LDB2: variants seen among roughly 807,000 people sequenced by gnomAD.
LDB2 encodes LIM domain-binding protein 2.
A neutral mutation model predicts 44.3 loss-of-function variants in LDB2; 12 were observed. The observed-to-expected ratio is 0.27, with a 90% CI of 0.17 to 0.44. The LOEUF (loss-of-function observed/expected upper bound fraction) is 0.44. Ranked by LOEUF, LDB2 falls within the 20% of genes least tolerant of loss-of-function variation. LDB2 has a pLI of 1.00. For synonymous variants in LDB2, 164 were observed against 174.8 expected (o/e 0.94, Z 0.49); for missense variants, 344 against 473.5 (o/e 0.73, Z 2.54).
intron 2 of LDB2, among the ~76,000 whole-genome samples, chr4:16,745,382 G>A (rs1406202847): frequency 1.3e-5 from 2 of 152,202 alleles, no homozygotes; most frequent in African/African-American, 2.4e-5. Context: ...TGAAAAGGAA[G>A]TCAAGCGTGA....
intron 1 of LDB2, among the ~76,000 whole-genome samples, chr4:16,831,770 C>A (rs150815640): frequency 6.6e-6 from 1 of 152,154 alleles, no homozygotes; most frequent in Non-Finnish European, 1.5e-5. Context: ...TCTCTGGAAA[C>A]TAAGTGTGAC....
At chr4:16,708,713 T>C (rs1755182003) in intron 2 of LDB2, among the ~76,000 whole-genome samples, 1 of 151,864 alleles carries the variant, frequency 6.6e-6, no homozygotes, top group Non-Finnish European at 1.5e-5. Flanking sequence ...TATGATATAG[T>C]GGATAGACAT....
chr4:16,714,016 C>A (rs555177356), intron 2 of LDB2, among the ~76,000 whole-genome samples: 1 of 152,088 alleles, frequency 6.6e-6, no homozygotes, highest in Non-Finnish European at 1.5e-5. Context: ...GCTCATTCAC[C>A]GGCGAGAAGA....
chr4:16,870,667 C>T (rs574822605), intron 1 of LDB2, among the ~76,000 whole-genome samples: 2 of 151,762 alleles, frequency 1.3e-5, no homozygotes, highest in East Asian at 4.0e-4. Flanking sequence ...GAGTCTCGCT[C>T]TTGTCACCCA....
At chr4:16,797,019 A>T (rs983113988) in intron 1 of LDB2, among the ~76,000 whole-genome samples, 1 of 152,208 alleles carries the variant, frequency 6.6e-6, no homozygotes, top group African/African-American at 2.4e-5. Flanking sequence ...AAGCCTGAAA[A>T]TATTATGAAA....
intron 2 of LDB2, among the ~76,000 whole-genome samples, chr4:16,618,138 T>G (rs574013531): frequency 6.6e-6 from 1 of 152,236 alleles, no homozygotes; most frequent in African/African-American, 2.4e-5. Context: ...TTTTTCACAC[T>G]ACAGTGATCC....
intron 2 of LDB2, among the ~76,000 whole-genome samples, chr4:16,679,595 G>A (rs1034210295): frequency 6.6e-6 from 1 of 152,168 alleles, no homozygotes; most frequent in African/African-American, 2.4e-5. Flanking sequence ...AGGAGCAGAT[G>A]TGGGATTTGA....
chr4:16,606,767 G>C (rs781005914), intron 2 of LDB2, among the ~76,000 whole-genome samples: 60 of 152,296 alleles, frequency 3.9e-4, no homozygotes, highest in Non-Finnish European at 5.0e-4. Context: ...ATTTTTCAAA[G>C]TTGCCAAACT....
chr4:16,517,665 A>T (rs749244112), intron 5 of LDB2, among the ~76,000 whole-genome samples: 1 of 152,196 alleles, frequency 6.6e-6, no homozygotes, highest in Admixed American at 6.5e-5. Context: ...TAAAACCCAT[A>T]AACATGGTGT....
intron 5 of LDB2, among the ~76,000 whole-genome samples, chr4:16,550,084 T>G (rs1171542493): frequency 6.6e-6 from 1 of 152,218 alleles, no homozygotes; most frequent in Non-Finnish European, 1.5e-5. Flanking sequence ...GGCTTTGGAA[T>G]CAAAGATCTT....
intron 1 of LDB2, among the ~76,000 whole-genome samples, chr4:16,817,726 G>A (rs1781215331): frequency 6.6e-6 from 1 of 152,120 alleles, no homozygotes; most frequent in African/African-American, 2.4e-5. Flanking sequence ...ATCATATAAG[G>A]TGGGTATAAT....
intron 2 of LDB2, among the ~76,000 whole-genome samples, chr4:16,681,453 G>T (rs529577028): frequency 2.1e-4 from 32 of 152,168 alleles, no homozygotes; most frequent in Non-Finnish European, 4.3e-4. Context: ...AACCTAAACT[G>T]AGAACACAGT....
intron 7 of LDB2, 72 bp downstream of exon 7, chr4:16,508,463 A>T: frequency 4.2e-6 from 5 of 1,187,644 alleles, no homozygotes; most frequent in African/African-American, 1.6e-5. Context: ...ATGAAAAGAG[A>T]CTTTAATTTG....
At chr4:16,725,251 C>T (rs1759171725) in intron 2 of LDB2, among the ~76,000 whole-genome samples, 1 of 152,032 alleles carries the variant, frequency 6.6e-6, no homozygotes, top group Non-Finnish European at 1.5e-5. Context: ...TTCACACACA[C>T]ACACACACAC....
intron 2 of LDB2, among the ~76,000 whole-genome samples, chr4:16,619,618 C>T (rs962330792): frequency 6.7e-6 from 1 of 149,238 alleles, no homozygotes; most frequent in Non-Finnish European, 1.5e-5. Context: ...GGAGGTAATT[C>T]CCAGAGCCAC....
chr4:16,685,442 G>T (rs977613876), intron 2 of LDB2, among the ~76,000 whole-genome samples: 1 of 151,874 alleles, frequency 6.6e-6, no homozygotes, highest in Non-Finnish European at 1.5e-5. Flanking sequence ...AAAGCTAACT[G>T]CTCTAGAAAA....
At chr4:16,880,565 A>G (rs542541445) in intron 1 of LDB2, among the ~76,000 whole-genome samples, 2 of 152,124 alleles carry the variant, frequency 1.3e-5, no homozygotes, top group African/African-American at 4.8e-5. Context: ...CTCTGTGTAA[A>G]CCTCGGAGCC....
At chr4:16,878,108 A>G (rs990046959) in intron 1 of LDB2, among the ~76,000 whole-genome samples, 1 of 152,248 alleles carries the variant, frequency 6.6e-6, no homozygotes, top group African/African-American at 2.4e-5. Flanking sequence ...GCCAATCAAA[A>G]GCAGGTAGGG....
At chr4:16,656,834 AC>A (rs1740005170) in intron 2 of LDB2, among the ~76,000 whole-genome samples, 2 of 152,228 alleles carry the variant, frequency 1.3e-5, no homozygotes, top group Non-Finnish European at 2.9e-5. Flanking sequence ...TTATGAGGAT[AC>A]CTATGTAAAT....
Sources: gnomAD v4.1 joint callset for allele counts (sites outside exome capture counted in the v4.1 genomes callset) on GRCh38, gnomAD v4.1.1 for gene constraint, MANE v1.5 for transcripts, NCBI Gene and HGNC (gene_info 2026-07-23, HGNC 2026-07-21) for gene names.